The following BTAF1 variants were observed in gnomAD, a reference collection of about 807,000 sequenced individuals.
BTAF1 encodes the protein TATA-binding protein-associated factor 172.
A neutral mutation model predicts 227.1 loss-of-function variants in BTAF1; 38 were observed. That is an observed-to-expected ratio of 0.17 (90% CI 0.13 to 0.22). The LOEUF is 0.22. Ranked by LOEUF, BTAF1 falls within the 10% of genes least tolerant of loss-of-function variation. The pLI, the probability that BTAF1 is intolerant of heterozygous loss-of-function variation, is 1.00. For missense variants in BTAF1, 1,598 were observed against 2,204.0 expected (o/e 0.73, Z 5.51); for synonymous variants, 742 against 751.9 (o/e 0.99, Z 0.21).
chr10:92,001,887 C>T (rs75447093), intron 25 of BTAF1, among the ~76,000 whole-genome samples: 3,473 of 141,766 alleles, frequency 0.024, 124 homozygotes, highest in East Asian at 0.19. Flanking sequence ...CCAAGGCAGG[C>T]GGATTCCTTG....
At chr10:92,007,250 G>C (rs1271420578) in intron 25 of BTAF1, among the ~76,000 whole-genome samples, 8 of 113,376 alleles carry the variant, frequency 7.1e-5, no homozygotes, top group Non-Finnish European at 1.3e-4. Flanking sequence ...ATGGAGTCTC[G>C]CTGTGTCACC....
chr10:91,959,949 T>C, intron 10 of BTAF1, 29 bp from the exon 11 acceptor site: 1 of 1,601,090 alleles, frequency 6.2e-7, no homozygotes, highest in Non-Finnish European at 8.5e-7. Context: ...TTTTTGCAAA[T>C]ATGAGTTTTC....
In BTAF1 at chr10:91,993,680, C is replaced by A; in HGVS notation, c.3046-14C>A. ...TTTCTGAAATTCTGTTTTTATCTAA[C>A]ATTTAATTTTAAGGCCCAGAAGCCT... On this transcript the variant is annotated splice_polypyrimidine_tract_variant and intron_variant, in intron 21 of 37. Coordinates refer to ENST00000265990, the MANE Select transcript of BTAF1 (RefSeq NM_003972.3). 1 of 1,436,754 alleles carries A rather than the reference C, an allele frequency of 7.0e-7. No homozygotes were observed. Among genetic ancestry groups the A allele is most frequent in the Non-Finnish European group, 9.2e-7 (1 of 1,083,886 alleles). The allele number at this position is 1,436,754 out of a possible 1,614,324, so 89.0% of individuals were successfully genotyped here. A position where few individuals can be genotyped will look rare whatever the true frequency, so the allele number is the denominator to read the frequency against.
intron 1 of BTAF1, among the ~76,000 whole-genome samples, chr10:91,928,881 C>T (rs1045657424): frequency 1.3e-5 from 2 of 151,454 alleles, no homozygotes; most frequent in Non-Finnish European, 2.9e-5. Flanking sequence ...AGCTGGAAAG[C>T]TGGAGTGCAG....
intron 2 of BTAF1, among the ~76,000 whole-genome samples, chr10:91,936,286 A>C (rs948064293): frequency 1.3e-5 from 2 of 152,156 alleles, no homozygotes; most frequent in Admixed American, 1.3e-4. Context: ...TGCGTATTGA[A>C]GTGTACCTGT....
intron 1 of BTAF1, among the ~76,000 whole-genome samples, chr10:91,925,516 C>CTTT (rs6144026): frequency 2.6e-5 from 3 of 114,600 alleles, no homozygotes; most frequent in East Asian, 6.0e-4. Context: ...ACGCTAATCT[C>CTTT]TTTTTTTTTT....
rs146302359 is a variant in BTAF1, at chr10:91,954,319, T to G, written c.701+446T>G. On this transcript the variant is annotated intron_variant, in intron 6 of 37. Transcript: ENST00000265990. ...TAAAGTGGGAGGTATTGTCACGATA[T>G]TACCTCACCTGTGCCTTAAGCTGGG... Among the ~76,000 whole-genome samples the G allele has an allele frequency of 2.2e-4, 33 of 152,280 alleles. No individual in the cohort carries two copies. The East Asian group carries it at 6.2e-3, about 29-fold the overall frequency.
intron 1 of BTAF1, among the ~76,000 whole-genome samples, chr10:91,928,819 GTTGTTTGT>G (rs1215981629): frequency 7.7e-6 from 1 of 129,956 alleles, no homozygotes; most frequent in Non-Finnish European, 1.5e-5. Flanking sequence ...TGGCATTTTT[GTTGTTTGT>G]TTGTTTGTTT....
chr10:91,984,201 G>A lies in BTAF1; in HGVS notation c.2224G>A (p.Glu742Lys), dbSNP rs777227610. 2 of 1,612,654 alleles carry A rather than the reference G, an allele frequency of 1.2e-6. No homozygotes were observed. The highest frequency in any genetic ancestry group is 1.3e-5 in the African/African-American group (1 of 74,950). Residue 742 changes from glutamate to lysine, a missense_variant and splice_region_variant, in exon 19 of 38, where the codon GAG becomes AAG. Around this residue, in one of 10 missense-constraint regions of BTAF1, gnomAD observed 318 missense variants for 435.0 expected, o/e 0.73. Transcript: ENST00000265990. ...CTATTTGTTTTCTGTTGTATTTTAG[G>A]AGTGTAAAGCTGTTACCTTAGCTGT... ...VICEWAALQK[E>K]CKAVTLAVQP...
intron 14 of BTAF1, among the ~76,000 whole-genome samples, chr10:91,974,722 G>T (rs1847560590): frequency 6.6e-6 from 1 of 152,084 alleles, no homozygotes; most frequent in South Asian, 2.1e-4. Context: ...AGTCGTGGTG[G>T]GTGCCTGTCA....
In BTAF1 at chr10:91,953,782, A is replaced by G. The variant is rs1234697855; in HGVS notation, c.610A>G (p.Met204Val). Residue 204 changes from methionine to valine, a missense_variant, in exon 6 of 38, where the codon ATG (methionine) becomes GTG (valine). Transcript: ENST00000265990. ...GATTGACTCAGAGTTTCGAGCAGGAATGAGCAATAGACAAAAGAACAAAGC... is the reference window on the plus strand; with the variant it reads ...GATTGACTCAGAGTTTCGAGCAGGAGTGAGCAATAGACAAAAGAACAAAGC... Reference protein sequence around the residue: ...ELIDSEFRAGMSNRQKNKAKR... With the variant: ...ELIDSEFRAGVSNRQKNKAKR... 2 of 1,614,084 alleles carry G rather than the reference A, an allele frequency of 1.2e-6. No homozygotes were observed. Among genetic ancestry groups the G allele is most frequent in the Admixed American group, 3.3e-5 (2 of 60,034 alleles).
chr10:91,960,350 G>A lies in BTAF1; in HGVS notation c.1263+196G>A, dbSNP rs78295535. Among the ~76,000 whole-genome samples, 1,449 of 152,262 alleles carry A rather than the reference G, an allele frequency of 9.5e-3. 24 individuals carry two copies. Among genetic ancestry groups the A allele is most frequent in the African/African-American group, 0.032 (1,345 of 41,558 alleles). On this transcript the variant is annotated intron_variant, in intron 11 of 37. Transcript: ENST00000265990. ...TTAAGTATAAATCAAAAGATGGTTA[G>A]TTACATTGTTTGCTCTTTAAGTTCA... is the stretch of plus-strand genomic sequence containing the variant.
intron 14 of BTAF1, among the ~76,000 whole-genome samples, chr10:91,974,201 C>T (rs1317284906): frequency 6.6e-6 from 1 of 152,186 alleles, no homozygotes; most frequent in African/African-American, 2.4e-5. Flanking sequence ...CTCAGTGTGT[C>T]ACTGCGTTGT....
At chr10:91,998,301 G>T (rs1849278279) in intron 25 of BTAF1, among the ~76,000 whole-genome samples, 1 of 150,466 alleles carries the variant, frequency 6.6e-6, no homozygotes, top group African/African-American at 2.4e-5. Flanking sequence ...AGTAAAACAA[G>T]AAATCAGACA....
At chr10:91,957,102 A>G (rs1321494831) in intron 7 of BTAF1, 123 bp from the exon 8 acceptor site, 4 of 618,674 alleles carry the variant, frequency 6.5e-6, no homozygotes, top group Admixed American at 6.1e-5. Flanking sequence ...TAGTTAAAAA[A>G]ATTAAATTTT....
Position 92,029,581 on chromosome 10 carries a change from T to C in BTAF1, c.*648T>C, listed in dbSNP as rs570164359. On this transcript the variant is annotated 3_prime_UTR_variant, in exon 38 of 38. Transcript: ENST00000265990. ...ATACAGGTAATGGTATATTTAAGGC[T>C]ACCATAACATCCTATTTAGAGGGTG... The C allele has an allele frequency of 3.3e-4, 50 of 152,138 alleles. No homozygotes were observed. The highest frequency in any genetic ancestry group is 8.4e-4 in the African/African-American group (35 of 41,572). 9.4% of individuals were successfully genotyped at this position (152,138 alleles called of 1,614,324 possible). A position where few individuals can be genotyped will look rare whatever the true frequency, so the allele number is the denominator to read the frequency against.
Position 91,960,788 on chromosome 10 carries a change from A to G in BTAF1, c.1263+634A>G, listed in dbSNP as rs549919506. Among the ~76,000 whole-genome samples the G allele has an allele frequency of 2.0e-5, 3 of 152,294 alleles. No individual in the cohort carries two copies. The South Asian group carries it at 6.2e-4, about 32-fold the overall frequency. ...AACAGTGTTTAGTGTAATGTTATAC[A>G]TCATCTAGGATGAAAATACCTGCAT... On this transcript the variant is annotated intron_variant, in intron 11 of 37. Coordinates refer to ENST00000265990, the MANE Select transcript of BTAF1 (RefSeq NM_003972.3).
intron 33 of BTAF1, among the ~76,000 whole-genome samples, chr10:92,018,334 G>A (rs1244340002): frequency 1.3e-5 from 2 of 152,108 alleles, no homozygotes; most frequent in Non-Finnish European, 2.9e-5. Flanking sequence ...ACCCACCTCG[G>A]CCTCCCAAAC....
chr10:91,998,787 A>G (rs951265059), intron 25 of BTAF1, among the ~76,000 whole-genome samples: 2 of 152,194 alleles, frequency 1.3e-5, no homozygotes, highest in Admixed American at 1.3e-4. Context: ...GAGGTGGCTC[A>G]TGCCTGTAAT....
Sources: allele counts gnomAD v4.1 joint callset (sites outside exome capture counted in the v4.1 genomes callset), GRCh38; gene constraint gnomAD v4.1.1; regional missense constraint gnomAD v4.1.1; transcripts MANE v1.5; gene names NCBI Gene and HGNC (gene_info 2026-07-23, HGNC 2026-07-21).